CAPRIN2: variants seen among roughly 807,000 people sequenced by gnomAD.
The protein encoded by CAPRIN2 is caprin-2.
Under a neutral mutation model 130.4 loss-of-function variants are expected in CAPRIN2, and 66 were observed. The observed-to-expected ratio is 0.51, with a 90% CI of 0.42 to 0.62. The LOEUF (loss-of-function observed/expected upper bound fraction) is 0.62. Ranked by LOEUF, CAPRIN2 falls within the 20% of genes least tolerant of loss-of-function variation. CAPRIN2 has a pLI of 0.00. For missense variants in CAPRIN2, 1,185 were observed against 1,246.6 expected, an observed-to-expected ratio of 0.95 and a Z score of 0.74; for synonymous variants, 471 against 444.1, an observed-to-expected ratio of 1.06 and a Z score of -0.76.
intron 11 of CAPRIN2, among the ~76,000 whole-genome samples, chr12:30,722,765 G>C (rs921513665): frequency 6.6e-6 from 1 of 151,980 alleles, no homozygotes; most frequent in Non-Finnish European, 1.5e-5. Context: ...GGCAGGTGTG[G>C]TGGCAGGCCC....
chr12:30,741,784 A>G (rs917668299), intron 2 of CAPRIN2, among the ~76,000 whole-genome samples: 2 of 152,240 alleles, frequency 1.3e-5, no homozygotes, highest in Admixed American at 6.5e-5. Context: ...TTAAAATAGT[A>G]AAGTATTACA....
chr12:30,729,275 G>A (rs774369504), exon 8 of CAPRIN2: 67 of 1,598,474 alleles, frequency 4.2e-5, no homozygotes, highest in East Asian at 6.7e-5. Context: ...GTTGCTCTTC[G>A]CCTTGTTTGT....
intron 3 of CAPRIN2, 74 bp from the exon 5 acceptor site, chr12:30,735,280 C>T (rs2064230868): frequency 9.0e-7 from 1 of 1,110,838 alleles, no homozygotes; most frequent in Non-Finnish European, 1.4e-6. Context: ...TCTACAAAGT[C>T]TAAACCCAAA....
chr12:30,728,167 C>T (rs1205106508), intron 8 of CAPRIN2, among the ~76,000 whole-genome samples: 1 of 152,122 alleles, frequency 6.6e-6, no homozygotes, highest in African/African-American at 2.4e-5. Flanking sequence ...GACTTAAAGA[C>T]AGACTAGATT....
chr12:30,727,954 A>G (rs145208181), intron 8 of CAPRIN2, among the ~76,000 whole-genome samples: 37 of 152,338 alleles, frequency 2.4e-4, no homozygotes, highest in African/African-American at 8.2e-4. Context: ...ACTTGTCAGA[A>G]AAAGTTATTC....
rs2062582116 is a variant in CAPRIN2, at chr12:30,731,258, TAAGGCAATC to T, written c.1060+76_1060+84del. 4.0e-6 allele frequency: 4 copies of T among 994,352 alleles called. No homozygotes were observed. The South Asian group carries it at 7.1e-5, about 18-fold the overall frequency. 61.6% of individuals were successfully genotyped at this position (994,352 alleles called of 1,614,324 possible). ...GCATGTAGAACCTAACAAATTAAAA[TAAGGCAATC>T]ACTGCACAATACGTGACTCATTTGG... On this transcript the variant is annotated intron_variant, in intron 6 of 16. Transcript: ENST00000298892.
At chr12:30,716,187 C>A in intron 13 of CAPRIN2, 3 of 241,388 alleles carry the variant, frequency 1.2e-5, no homozygotes, top group South Asian at 5.8e-5. Context: ...GTTTCAAAAC[C>A]TTCATATAAG....
At chr12:30,746,258 G>A (rs2070287002) in intron 2 of CAPRIN2, among the ~76,000 whole-genome samples, 1 of 152,316 alleles carries the variant, frequency 6.6e-6, no homozygotes, top group East Asian at 1.9e-4. Flanking sequence ...AGAGCTGGGT[G>A]CAGTGACTCA....
Position 30,714,385 on chromosome 12 carries a change from T to C in CAPRIN2, c.2501-500A>G, listed in dbSNP as rs192684264. Reference sequence around the variant, plus strand: ...TCTTTGTAGAGGTAGGGTCTCACTATGTTGCCCAGGCTGGTCACAAACTCC... The same window carrying C: ...TCTTTGTAGAGGTAGGGTCTCACTACGTTGCCCAGGCTGGTCACAAACTCC... On this transcript the variant is annotated intron_variant, in intron 14 of 16. Transcript: ENST00000298892. Among the ~76,000 whole-genome samples the C allele has an allele frequency of 1.3e-4, 20 of 152,342 alleles. No individual in the cohort carries two copies. In the East Asian group the frequency reaches 2.7e-3, roughly 21 times the overall value.
chr12:30,733,308 T>C lies in CAPRIN2; in HGVS notation c.892+321A>G, dbSNP rs1443194501. Among the ~76,000 whole-genome samples the C allele has an allele frequency of 2.0e-5, 3 of 152,246 alleles. No individual in the cohort carries two copies. In the South Asian group the frequency reaches 6.2e-4, roughly 32 times the overall value. On this transcript the variant is annotated intron_variant, in intron 5 of 16. Coordinates refer to ENST00000298892, the Ensembl canonical transcript of CAPRIN2. ...AATGCATGAATTTAAGATTCTTAAA[T>C]AGAACAGGTACTACCACACAGAATA...
chr12:30,728,554 CAAAAA>C (rs11406794), intron 8 of CAPRIN2, 89 bp downstream of exon 9: 36 of 809,244 alleles, frequency 4.4e-5, no homozygotes, highest in Non-Finnish European at 5.6e-5. Flanking sequence ...TTCTCCATCT[CAAAAA>C]AAAAAAAAAA....
In CAPRIN2 at chr12:30,735,348, C is replaced by T. The variant is rs2064259007; in HGVS notation, c.571-142G>A. On this transcript the variant is annotated intron_variant, in intron 3 of 16. Transcript: ENST00000298892. ...TCAAACTACCAGTTTAGTCTGTCTC[C>T]TTTTTGAGCTAAAGAAGTCACTGAG... 7 of 716,986 alleles carry T rather than the reference C, an allele frequency of 9.8e-6. No homozygotes were observed. In the South Asian group the frequency reaches 1.2e-4, roughly 13 times the overall value. 44.4% of individuals were successfully genotyped at this position (716,986 alleles called of 1,614,324 possible).
At chr12:30,723,429 C>T (rs369753787) in intron 10 of CAPRIN2, 115 bp from the exon 12 acceptor site, 8 of 682,266 alleles carry the variant, frequency 1.2e-5, no homozygotes, top group Admixed American at 1.0e-4. Context: ...GGAAGGACTA[C>T]GTCTCAAGTT....
intron 1 of CAPRIN2, among the ~76,000 whole-genome samples, chr12:30,752,503 G>A (rs7957226): frequency 0.49 from 72,671 of 149,650 alleles, 18,093 homozygotes; most frequent in African/African-American, 0.56. Context: ...AACTGCATAC[G>A]TTAAAAAGAT....
intron 11 of CAPRIN2, 146 bp downstream of exon 12, chr12:30,723,113 G>A (rs1217918443): frequency 1.6e-5 from 10 of 614,810 alleles, no homozygotes; most frequent in African/African-American, 9.2e-5. Context: ...AGGACAAGTC[G>A]TATTTAATCT....
At chr12:30,725,994 TGAGTCATCA>T (rs1406525824) in exon 9 of CAPRIN2, 1 of 1,598,444 alleles carries the variant, frequency 6.3e-7, no homozygotes, top group Non-Finnish European at 8.5e-7. Flanking sequence ...TCCTTGAATC[TGAGTCATCA>T]GATCCTGCAG....
chr12:30,719,151 CTGTT>C, intron 12 of CAPRIN2: 1 of 1,614,104 alleles, frequency 6.2e-7, no homozygotes, highest in Non-Finnish European at 8.5e-7. Context: ...ACTGGAAGCC[CTGTT>C]CAGAGCCCTT....
chr12:30,729,221 A>C (rs200687105), exon 8 of CAPRIN2: 4 of 1,613,572 alleles, frequency 2.5e-6, no homozygotes, highest in African/African-American at 2.7e-5. Flanking sequence ...GCATATCCCA[A>C]CGTTTTGGGA....
Position 30,731,563 on chromosome 12 carries a change from T to A in CAPRIN2, c.893-53A>T, listed in dbSNP as rs2062689796. ...GTCACATGACCTAATTGAAAATTAC[T>A]GGGAATAGAAATCCTAATTTTATCC... On this transcript the variant is annotated intron_variant, in intron 5 of 16. Coordinates refer to ENST00000298892, the Ensembl canonical transcript of CAPRIN2. 6 of 1,436,386 alleles carry A rather than the reference T, an allele frequency of 4.2e-6. No individual in the cohort carries two copies. The South Asian group carries it at 7.2e-5, about 17-fold the overall frequency. The allele number at this position is 1,436,386 out of a possible 1,614,324, so 89.0% of individuals were successfully genotyped here.
Sources: allele counts gnomAD v4.1 joint callset (sites outside exome capture counted in the v4.1 genomes callset), GRCh38; gene constraint gnomAD v4.1.1; transcripts MANE v1.5; gene names NCBI Gene and HGNC (gene_info 2026-07-23, HGNC 2026-07-21).